UTRN: variants seen among roughly 807,000 people sequenced by gnomAD.
UTRN encodes the protein dystrophin-related protein 1.
UTRN carries 283 observed loss-of-function variants against 463.9 expected under a neutral mutation model. The ratio of observed to expected loss-of-function variants is 0.61; its 90% CI spans 0.55 to 0.67. The LOEUF (loss-of-function observed/expected upper bound fraction) is 0.67. Ranked by LOEUF, UTRN falls within the 30% of genes least tolerant of loss-of-function variation. The pLI is 0.00. For missense variants in UTRN, 3,922 were observed against 4,084.3 expected (o/e 0.96, Z 1.08); for synonymous variants, 1,442 against 1,431.5 (o/e 1.01, Z -0.17).
At chr6:144,653,444 G>A (rs1474331626) in intron 51 of UTRN, among the ~76,000 whole-genome samples, 7 of 152,024 alleles carry the variant, frequency 4.6e-5, no homozygotes, top group Admixed American at 3.9e-4. Context: ...AAATTAGCCA[G>A]ATGTGGTGGC....
intron 51 of UTRN, among the ~76,000 whole-genome samples, chr6:144,603,849 T>C (rs1804531966): frequency 1.3e-5 from 2 of 152,176 alleles, no homozygotes; most frequent in South Asian, 4.1e-4. Flanking sequence ...GGAATTTACT[T>C]TTATATTTTA....
intron 2 of UTRN, among the ~76,000 whole-genome samples, chr6:144,343,859 G>GT (rs1777339923): frequency 6.6e-6 from 1 of 152,092 alleles, no homozygotes; most frequent in South Asian, 2.1e-4. Flanking sequence ...TACGCAGTGG[G>GT]TAGGGAGGTG....
intron 2 of UTRN, among the ~76,000 whole-genome samples, chr6:144,337,158 C>CACACAG (rs796561524): frequency 1.3e-5 from 2 of 149,542 alleles, no homozygotes; most frequent in Non-Finnish European, 3.0e-5. Flanking sequence ...GAGACACACA[C>CACACAG]ACACAGACAC....
chr6:144,677,353 G>A (rs193094917), intron 51 of UTRN, among the ~76,000 whole-genome samples: 2 of 152,282 alleles, frequency 1.3e-5, no homozygotes, highest in African/African-American at 2.4e-5. Context: ...ACTTATGAGT[G>A]AGAACATGCG....
At chr6:144,438,476 A>T (rs1786804907) in intron 11 of UTRN, among the ~76,000 whole-genome samples, 1 of 152,208 alleles carries the variant, frequency 6.6e-6, no homozygotes, top group Admixed American at 6.5e-5. Context: ...CACCTATTTA[A>T]TAAGCAGGAA....
intron 54 of UTRN, among the ~76,000 whole-genome samples, chr6:144,738,485 G>T (rs1789689477): frequency 6.6e-6 from 1 of 152,254 alleles, no homozygotes; most frequent in Non-Finnish European, 1.5e-5. Context: ...CCTTCTGTCG[G>T]TCTTCCTCTC....
intron 7 of UTRN, among the ~76,000 whole-genome samples, chr6:144,427,465 G>A (rs1338417348): frequency 1.3e-5 from 2 of 152,126 alleles, no homozygotes; most frequent in African/African-American, 4.8e-5. Flanking sequence ...GTTTCTTGGA[G>A]GAGGAGGGAT....
At chr6:144,361,898 C>G (rs999807404) in intron 2 of UTRN, among the ~76,000 whole-genome samples, 1 of 151,794 alleles carries the variant, frequency 6.6e-6, no homozygotes, top group Non-Finnish European at 1.5e-5. Flanking sequence ...TGAGACACCT[C>G]ACCCAGCCAG....
At chr6:144,391,566 G>A (rs1781926776) in intron 2 of UTRN, among the ~76,000 whole-genome samples, 2 of 152,160 alleles carry the variant, frequency 1.3e-5, no homozygotes, top group African/African-American at 4.8e-5. Context: ...CATTCATTAA[G>A]CAATCATTAT....
intron 43 of UTRN, among the ~76,000 whole-genome samples, chr6:144,533,505 C>A (rs1408638381): frequency 6.6e-6 from 1 of 152,044 alleles, no homozygotes; most frequent in Non-Finnish European, 1.5e-5. Context: ...TTTACAACTG[C>A]TTATTATGAT....
At chr6:144,375,169 C>G (rs553118030) in intron 2 of UTRN, among the ~76,000 whole-genome samples, 1 of 152,224 alleles carries the variant, frequency 6.6e-6, no homozygotes, top group East Asian at 1.9e-4. Context: ...ATACATGTCC[C>G]AGATGGACTC....
At chr6:144,501,695 G>A (rs535344439) in intron 34 of UTRN, among the ~76,000 whole-genome samples, 103 of 151,694 alleles carry the variant, frequency 6.8e-4, no homozygotes, top group Middle Eastern at 3.4e-3. Context: ...TATAGATAAC[G>A]CTATGGTGAA....
chr6:144,586,978 A>G (rs936555283), intron 51 of UTRN, among the ~76,000 whole-genome samples: 6 of 152,154 alleles, frequency 3.9e-5, no homozygotes, highest in Non-Finnish European at 5.9e-5. Flanking sequence ...AATCTTTTAA[A>G]CATCTAGCTG....
chr6:144,315,724 G>A (rs944675291), intron 2 of UTRN, among the ~76,000 whole-genome samples: 4 of 152,210 alleles, frequency 2.6e-5, no homozygotes, highest in Middle Eastern at 3.2e-3. Context: ...GGATTTCAGC[G>A]TCGTTTTTCA....
At chr6:144,824,603 TATATATA>T (rs1562955002) in intron 66 of UTRN, among the ~76,000 whole-genome samples, 21 of 52,654 alleles carry the variant, frequency 4.0e-4, no homozygotes, top group African/African-American at 2.1e-3. Flanking sequence ...TATATATATA[TATATATA>T]TATCTTTTTT....
At chr6:144,683,510 A>C (rs1449769143) in intron 52 of UTRN, among the ~76,000 whole-genome samples, 1 of 152,110 alleles carries the variant, frequency 6.6e-6, no homozygotes, top group Non-Finnish European at 1.5e-5. Context: ...GAAAGTGATC[A>C]CTGTGGAGCA....
At chr6:144,453,360 T>A (rs1008169680) in intron 18 of UTRN, among the ~76,000 whole-genome samples, 4 of 152,330 alleles carry the variant, frequency 2.6e-5, no homozygotes, top group East Asian at 1.9e-4. Context: ...TGACCTCTAG[T>A]GATCCACCCC....
At chr6:144,805,921 A>C (rs1778109323) in intron 65 of UTRN, among the ~76,000 whole-genome samples, 1 of 152,206 alleles carries the variant, frequency 6.6e-6, no homozygotes, top group African/African-American at 2.4e-5. Flanking sequence ...AAAGGCAACT[A>C]TCAGATTGTA....
At chr6:144,295,752 T>A (rs1410472390) in intron 2 of UTRN, among the ~76,000 whole-genome samples, 2 of 152,220 alleles carry the variant, frequency 1.3e-5, no homozygotes, top group Non-Finnish European at 2.9e-5. Flanking sequence ...TTACACTAAT[T>A]GAACACATTC....
Sources: allele counts gnomAD v4.1 joint callset (sites outside exome capture counted in the v4.1 genomes callset), GRCh38; gene constraint gnomAD v4.1.1; transcripts MANE v1.5; gene names NCBI Gene and HGNC (gene_info 2026-07-23, HGNC 2026-07-21).